The following FSIP1 variants were observed in gnomAD, a reference collection of about 807,000 sequenced individuals.
FSIP1 encodes the protein fibrous sheath interacting protein 1, also known as fibrous sheath-interacting protein 1.
A neutral mutation model predicts 60.9 loss-of-function variants in FSIP1; 65 were observed. The ratio of observed to expected loss-of-function variants is 1.07; its 90% CI spans 0.87 to 1.31. FSIP1 has a LOEUF of 1.31. FSIP1 is among the 40% of genes most tolerant of loss of function. FSIP1 has a pLI of 0.00. For synonymous variants in FSIP1, 209 were observed against 221.2 expected (o/e 0.94, Z 0.49); for missense variants, 675 against 665.5 (o/e 1.01, Z -0.16).
intron 10 of FSIP1, among the ~76,000 whole-genome samples, chr15:39,670,824 T>C (rs1185450542): frequency 6.6e-6 from 1 of 152,266 alleles, no homozygotes; most frequent in Non-Finnish European, 1.5e-5. Flanking sequence ...CACAAACTTC[T>C]AAAGGTGTCG....
intron 10 of FSIP1, among the ~76,000 whole-genome samples, chr15:39,658,859 C>G (rs919005670): frequency 1.3e-5 from 2 of 152,140 alleles, no homozygotes; most frequent in Admixed American, 1.3e-4. Flanking sequence ...ATTAGTATAC[C>G]AATGTTCATA....
rs1039812103 is a variant in FSIP1, at chr15:39,770,487, C to T, written c.250G>A (p.Glu84Lys). The part of the protein sequence containing the change: ...ESCSEKIKLA[E>K]EGSDEDLDLV... ...TCCAGATCTTCATCTGATCCCTCTT[C>T]AGCCAATTTTATTTTCTCAGAGCAG... Residue 84 changes from glutamate to lysine, a missense_variant, in exon 3 of 12, where the codon GAA becomes AAA. By Grantham distance (56) the Glu-to-Lys change is moderately conservative (BLOSUM62 1). Coordinates refer to ENST00000350221, the MANE Select transcript of FSIP1 (RefSeq NM_152597.5). The T allele has an allele frequency of 3.7e-6, 6 of 1,612,026 alleles. No homozygotes were observed. The highest frequency in any genetic ancestry group is 5.1e-6 in the Non-Finnish European group (6 of 1,179,658).
rs905906638 is a variant in FSIP1 at position 39,671,139 on chromosome 15, C to T, written c.1188+42305G>A. Among the ~76,000 whole-genome samples the T allele has an allele frequency of 3.3e-5, 5 of 152,136 alleles. No homozygotes were observed. The East Asian group carries it at 7.7e-4, about 23-fold the overall frequency. Reference sequence around the variant, plus strand: ...ATCAAGTTGAAAGATGAATGATAATCGCTTTTTGAGCATTTTATATTAACT... The same window carrying T: ...ATCAAGTTGAAAGATGAATGATAATTGCTTTTTGAGCATTTTATATTAACT... On this transcript the variant is annotated intron_variant, in intron 10 of 11. Transcript: ENST00000350221.
chr15:39,677,983 A>T (rs1894009876), intron 10 of FSIP1, among the ~76,000 whole-genome samples: 1 of 151,316 alleles, frequency 6.6e-6, no homozygotes, highest in African/African-American at 2.4e-5. Context: ...TGACAGAGCG[A>T]GAATTCGTCT....
chr15:39,695,291 A>C (rs1894770988), intron 10 of FSIP1, among the ~76,000 whole-genome samples: 1 of 151,574 alleles, frequency 6.6e-6, no homozygotes, highest in African/African-American at 2.4e-5. Flanking sequence ...ATGGCTGCCA[A>C]TCCCCATCTG....
intron 10 of FSIP1, among the ~76,000 whole-genome samples, chr15:39,676,444 C>G (rs1893944783): frequency 6.6e-6 from 1 of 152,130 alleles, no homozygotes; most frequent in Admixed American, 6.5e-5. Flanking sequence ...AGCCTGGCAG[C>G]CTTCACATGT....
At chr15:39,705,280 G>GT (rs1443978562) in intron 10 of FSIP1, among the ~76,000 whole-genome samples, 1 of 151,748 alleles carries the variant, frequency 6.6e-6, no homozygotes, top group Non-Finnish European at 1.5e-5. Flanking sequence ...TTCATCAAAG[G>GT]TATTTTTACC....
chr15:39,671,276 G>A (rs1018460024), intron 10 of FSIP1, among the ~76,000 whole-genome samples: 3 of 151,646 alleles, frequency 2.0e-5, no homozygotes, highest in Non-Finnish European at 4.4e-5. Flanking sequence ...TTTTTTTCAC[G>A]TTTTCCATCA....
intron 8 of FSIP1, among the ~76,000 whole-genome samples, chr15:39,735,338 C>T (rs1896567189): frequency 1.3e-5 from 2 of 152,182 alleles, no homozygotes; most frequent in African/African-American, 4.8e-5. Flanking sequence ...GGCTATAAAC[C>T]TGTACAGTAT....
chr15:39,603,458 C>T (rs972574565), intron 11 of FSIP1, among the ~76,000 whole-genome samples: 4 of 152,226 alleles, frequency 2.6e-5, no homozygotes, highest in Non-Finnish European at 4.4e-5. Flanking sequence ...GGCTAAGGAA[C>T]AGACTCAGTA....
chr15:39,711,410 C>T (rs149717839), intron 10 of FSIP1, among the ~76,000 whole-genome samples: 9 of 152,220 alleles, frequency 5.9e-5, no homozygotes, highest in African/African-American at 1.9e-4. Flanking sequence ...AATCCCATCA[C>T]CTTGGGGACT....
intron 10 of FSIP1, among the ~76,000 whole-genome samples, chr15:39,696,152 G>A (rs951374): frequency 0.042 from 6,458 of 152,116 alleles, 545 homozygotes; most frequent in Admixed American, 0.2. Flanking sequence ...GAAAATAAGA[G>A]AGAAAAATAG....
At chr15:39,623,516 T>G (rs1891521874) in intron 10 of FSIP1, among the ~76,000 whole-genome samples, 1 of 152,200 alleles carries the variant, frequency 6.6e-6, no homozygotes, top group Non-Finnish European at 1.5e-5. Flanking sequence ...CTAGTTCTAC[T>G]TCCAAATAAG....
chr15:39,713,717 A>G, intron 9 of FSIP1, 136 bp from the exon 10 acceptor site: 1 of 750,146 alleles, frequency 1.3e-6, no homozygotes, highest in Non-Finnish European at 2.1e-6. Flanking sequence ...CAATATGTAT[A>G]ACGCTTTAAA....
intron 10 of FSIP1, among the ~76,000 whole-genome samples, chr15:39,645,951 G>A (rs560348711): frequency 1.3e-5 from 2 of 152,320 alleles, no homozygotes; most frequent in Admixed American, 6.5e-5. Context: ...ACTGGGGGCC[G>A]GGCTGCCAGT....
At chr15:39,653,153 GT>G (rs1892941577) in intron 10 of FSIP1, among the ~76,000 whole-genome samples, 1 of 147,658 alleles carries the variant, frequency 6.8e-6, no homozygotes, top group Admixed American at 6.8e-5. Flanking sequence ...CGTAGCCTGT[GT>G]GACGGAGCCA....
intron 1 of FSIP1, among the ~76,000 whole-genome samples, chr15:39,779,084 G>C (rs1210180601): frequency 1.3e-5 from 2 of 151,618 alleles, no homozygotes; most frequent in African/African-American, 4.9e-5. Flanking sequence ...GAGAAACTGG[G>C]GAAATAAATG....
intron 10 of FSIP1, among the ~76,000 whole-genome samples, chr15:39,633,446 G>A (rs1392699963): frequency 6.6e-5 from 10 of 151,842 alleles, no homozygotes; most frequent in Admixed American, 1.3e-4. Context: ...TTTTTTATTC[G>A]TAAAATGCAT....
intron 10 of FSIP1, among the ~76,000 whole-genome samples, chr15:39,626,356 G>A (rs1379201970): frequency 6.6e-6 from 1 of 152,138 alleles, no homozygotes; most frequent in East Asian, 1.9e-4. Flanking sequence ...CCCAAACAGG[G>A]GTTCATTTAA....
Sources: allele counts gnomAD v4.1 joint callset (sites outside exome capture counted in the v4.1 genomes callset), GRCh38; gene constraint gnomAD v4.1.1; transcripts MANE v1.5; gene names NCBI Gene and HGNC (gene_info 2026-07-23, HGNC 2026-07-21).